ANKS6: variants seen among roughly 807,000 people sequenced by gnomAD.
ANKS6 encodes the protein ankyrin repeat and sterile alpha motif domain containing 6.
In ANKS6, 47 loss-of-function variants were observed where a neutral mutation model predicts 77.9. That is an observed-to-expected ratio of 0.60 (90% CI 0.48 to 0.77). ANKS6 has a LOEUF of 0.77. Ranked by LOEUF, ANKS6 falls within the 30% of genes least tolerant of loss-of-function variation. The pLI is 0.00. For missense variants in ANKS6, 1,150 were observed against 1,159.1 expected (o/e 0.99, Z 0.11); for synonymous variants, 488 against 501.7 (o/e 0.97, Z 0.37).
chr9:98,743,579 C>T (rs958991322), intron 14 of ANKS6, among the ~76,000 whole-genome samples: 7 of 152,136 alleles, frequency 4.6e-5, no homozygotes, highest in Non-Finnish European at 8.8e-5. Flanking sequence ...TTTTCAGCCC[C>T]GATTCTAAGC....
intron 11 of ANKS6, among the ~76,000 whole-genome samples, chr9:98,766,170 A>G (rs1833271400): frequency 6.6e-6 from 1 of 152,224 alleles, no homozygotes; most frequent in Non-Finnish European, 1.5e-5. Context: ...GATCATTGAA[A>G]TGGATGGTTT....
rs748352332 is a variant in ANKS6, at chr9:98,735,509, A to G, written c.*1010T>C. On this transcript the variant is annotated 3_prime_UTR_variant, in exon 15 of 15. Coordinates refer to ENST00000353234, the MANE Select transcript of ANKS6 (RefSeq NM_173551.5). The stretch of plus-strand genomic sequence containing the variant: ...CCAATTCCCTTTTGAGGAACACAGC[A>G]TTAATAGGATGTAGACAAAATTCCA... 5.1e-5 allele frequency: 63 copies of G among 1,228,976 alleles called. 1 individual carries two copies. Among genetic ancestry groups the G allele is most frequent in the Non-Finnish European group, 6.2e-5 (61 of 986,934 alleles). 76.1% of individuals were successfully genotyped at this position (1,228,976 alleles called of 1,614,324 possible).
intron 5 of ANKS6, among the ~76,000 whole-genome samples, chr9:98,780,600 CAGGCTTCACAGCCAG>C: frequency 6.6e-6 from 1 of 152,196 alleles, no homozygotes; most frequent in African/African-American, 2.4e-5. Flanking sequence ...TTTAAAAGTG[CAGGCTTCACAGCCAG>C]GCTGCAGAGG....
chr9:98,786,251 T>C (rs1041474346), intron 2 of ANKS6, among the ~76,000 whole-genome samples: 1 of 151,730 alleles, frequency 6.6e-6, no homozygotes, highest in Admixed American at 6.6e-5. Flanking sequence ...ACTGCTGAGA[T>C]TGCAGGTGTG....
chr9:98,788,503 T>C (rs1370610553), intron 2 of ANKS6, among the ~76,000 whole-genome samples: 1 of 152,152 alleles, frequency 6.6e-6, no homozygotes, highest in African/African-American at 2.4e-5. Flanking sequence ...AGGAGAGCAA[T>C]GGCCTTGTGT....
chr9:98,757,549 C>G lies in ANKS6; in HGVS notation c.2143-946G>C, dbSNP rs572437206. Reference sequence around the variant, plus strand: ...TCGTTATGCAGAGAGGACACAGTATCTGATTACTGGTGATGGTAACCTTCA... The same window carrying G: ...TCGTTATGCAGAGAGGACACAGTATGTGATTACTGGTGATGGTAACCTTCA... On this transcript the variant is annotated intron_variant, in intron 11 of 14. Transcript: ENST00000353234. Among the ~76,000 whole-genome samples, 9 of 152,328 alleles carry G rather than the reference C, an allele frequency of 5.9e-5. No individual in the cohort carries two copies. The East Asian group carries it at 1.5e-3, about 26-fold the overall frequency.
rs1325362731 is a variant in ANKS6 at position 98,789,397 on chromosome 9, C to G, written c.862+707G>C. Among the ~76,000 whole-genome samples the G allele has an allele frequency of 9.2e-5, 13 of 141,124 alleles. No homozygotes were observed. In the East Asian group the frequency reaches 2.5e-3, roughly 27 times the overall value. 92.6% of individuals were successfully genotyped at this position (141,124 alleles called of 152,430 possible). A position where few individuals can be genotyped will look rare whatever the true frequency, so the allele number is the denominator to read the frequency against. On this transcript the variant is annotated intron_variant, in intron 2 of 14. Transcript: ENST00000353234. ...GATTTGCTAAGGATTGTTTAGACAA[C>G]TCTTTACATGCCAGAGAGATGGCAA...
At position 98,733,821 on chromosome 9, in the gene ANKS6, T is replaced by C. The variant is rs1197547428; in HGVS notation, c.*2698A>G. 4.1e-6 allele frequency: 4 copies of C among 985,260 alleles called. No individual in the cohort carries two copies. The highest frequency in any genetic ancestry group is 4.7e-5 in the South Asian group (1 of 21,286). The allele number at this position is 985,260 out of a possible 1,614,324, so 61.0% of individuals were successfully genotyped here. ...CAGGGAACCTCACCCCACTTTCACA[T>C]ACACACCCTACGTTTCTTTATGAAA... On this transcript the variant is annotated 3_prime_UTR_variant, in exon 15 of 15. Coordinates refer to ENST00000353234, the MANE Select transcript of ANKS6 (RefSeq NM_173551.5).
Position 98,733,005 on chromosome 9 carries a change from C to G in ANKS6, c.*3514G>C. ...TCCTCTGGGGCGTGCCCAGGCTGAG[C>G]CTGAGCCATCATCGATGACTTTCCC... On this transcript the variant is annotated 3_prime_UTR_variant, in exon 15 of 15. Transcript: ENST00000353234. The G allele has an allele frequency of 1.1e-6, 1 of 943,470 alleles. No individual in the cohort carries two copies. Among genetic ancestry groups the G allele is most frequent in the Non-Finnish European group, 1.3e-6 (1 of 784,198 alleles). 58.4% of individuals were successfully genotyped at this position (943,470 alleles called of 1,614,324 possible). A position where few individuals can be genotyped will look rare whatever the true frequency, so the allele number is the denominator to read the frequency against.
chr9:98,752,550 G>T (rs1380466097), intron 12 of ANKS6, among the ~76,000 whole-genome samples: 1 of 152,198 alleles, frequency 6.6e-6, no homozygotes, highest in African/African-American at 2.4e-5. Flanking sequence ...GGGAGGATAG[G>T]ATGAGGAGGA....
rs1831304826 is a variant in ANKS6 at position 98,733,306 on chromosome 9, C to T, written c.*3213G>A. 1.0e-6 allele frequency: 1 copy of T among 985,424 alleles called. No homozygotes were observed. 61.0% of individuals were successfully genotyped at this position (985,424 alleles called of 1,614,324 possible). ...AGGAGCCCTCCGTGGCCAGCAGGGA[C>T]TTGGACATCCAGCACTCACGACACA... On this transcript the variant is annotated 3_prime_UTR_variant, in exon 15 of 15. Coordinates refer to ENST00000353234, the MANE Select transcript of ANKS6 (RefSeq NM_173551.5).
intron 4 of ANKS6, among the ~76,000 whole-genome samples, chr9:98,783,126 G>A (rs764504878): frequency 1.8e-4 from 26 of 148,514 alleles, no homozygotes; most frequent in Admixed American, 8.0e-4. Context: ...AAAGGAAGGG[G>A]AGGGGAGGGG....
rs776738343 is a variant in ANKS6 at position 98,780,197 on chromosome 9, C to T, written c.1360G>A (p.Gly454Arg). The change falls in exon 6 of 15, where the codon GGA (glycine) becomes AGA (arginine). Residue 454 changes from glycine (G) to arginine (R), a missense_variant. By Grantham distance (125) the Gly-to-Arg change is moderately radical. Coordinates refer to ENST00000353234, the MANE Select transcript of ANKS6 (RefSeq NM_173551.5). ...GACAGGAAAAGGCAAACCTTCAGTC[C>T]ACCCTTGTCATCGGGCAGCACTGGG... is the stretch of plus-strand genomic sequence containing the variant. ...SIPVLPDDKGGLKSWWNRMSN... is the reference protein window; with the variant it reads ...SIPVLPDDKGRLKSWWNRMSN... 2.9e-5 allele frequency: 46 copies of T among 1,613,710 alleles called. No homozygotes were observed. Among genetic ancestry groups the T allele is most frequent in the Admixed American group, 2.2e-4 (13 of 59,992 alleles).
chr9:98,796,426 C>A lies in ANKS6; in HGVS notation c.66G>T (p.Thr22=). ...LLLRACDQGD[T]ETARRLLEPG... ...GCTCCAGCAGCCGCCGCGCCGTCTCCGTGTCGCCCTGGTCACACGCGCGCA... is the reference window on the plus strand; with the variant it reads ...GCTCCAGCAGCCGCCGCGCCGTCTCAGTGTCGCCCTGGTCACACGCGCGCA... Residue 22 remains threonine (T), a synonymous_variant, in exon 1 of 15, where the codon ACG becomes ACT. Transcript: ENST00000353234. 1.0e-6 allele frequency: 1 copy of A among 994,434 alleles called. No homozygotes were observed. The highest frequency in any genetic ancestry group is 1.2e-6 in the Non-Finnish European group (1 of 837,864). 61.6% of individuals were successfully genotyped at this position (994,434 alleles called of 1,614,324 possible).
chr9:98,770,933 A>G lies in ANKS6; in HGVS notation c.1935T>C (p.Gly645=). The change falls in exon 10 of 15, where the codon GGT becomes GGC. Residue 645 remains glycine, a synonymous_variant. Coordinates refer to ENST00000353234, the MANE Select transcript of ANKS6 (RefSeq NM_173551.5). ...PHSSGGSSGV[G]VSRHGGELLN... Reference sequence around the variant, plus strand: ...GCAGCTCCCCACCGTGCCGGCTCACACCTACCCCACTGGAGCCGCCCGATG... The same window carrying G: ...GCAGCTCCCCACCGTGCCGGCTCACGCCTACCCCACTGGAGCCGCCCGATG... 3 of 1,585,982 alleles carry G rather than the reference A, an allele frequency of 1.9e-6. No homozygotes were observed. The highest frequency in any genetic ancestry group is 2.6e-6 in the Non-Finnish European group (3 of 1,165,570).
chr9:98,734,570 T>C lies in ANKS6; in HGVS notation c.*1949A>G, dbSNP rs535512521. The C allele has an allele frequency of 1.1e-5, 11 of 985,428 alleles. No homozygotes were observed. The African/African-American group carries it at 1.6e-4, about 14-fold the overall frequency. The allele number at this position is 985,428 out of a possible 1,614,324, so 61.0% of individuals were successfully genotyped here. On this transcript the variant is annotated 3_prime_UTR_variant, in exon 15 of 15. Transcript: ENST00000353234. ...ACAAGTGCTTCTAGCTCCAGGAGTC[T>C]ATAGGAGTTAGTGGAAAAGGCACAG...
intron 1 of ANKS6, among the ~76,000 whole-genome samples, chr9:98,792,314 C>T (rs1024428673): frequency 2.6e-5 from 4 of 152,114 alleles, no homozygotes; most frequent in African/African-American, 9.7e-5. Flanking sequence ...CTCTTCTGAG[C>T]ACCTAATTCC....
chr9:98,737,765 C>T (rs1474841319), intron 14 of ANKS6, among the ~76,000 whole-genome samples: 3 of 152,104 alleles, frequency 2.0e-5, no homozygotes, highest in South Asian at 2.1e-4. Flanking sequence ...AAAAAGAGCC[C>T]GCGTAGCCAA....
At position 98,775,887 on chromosome 9, in the gene ANKS6, C is replaced by T. The variant is rs147356027; in HGVS notation, c.1617+1518G>A. On this transcript the variant is annotated intron_variant, in intron 8 of 14. Transcript: ENST00000353234. ...AGCACAAGCCCCCACAGTCAGTGTT[C>T]GAGCCATCAATTTACACCTGTTGGG... Among the ~76,000 whole-genome samples, 428 of 152,274 alleles carry T rather than the reference C, an allele frequency of 2.8e-3. 2 individuals carry two copies. The highest frequency in any genetic ancestry group is 9.6e-3 in the African/African-American group (399 of 41,548).
Sources: gnomAD v4.1 joint callset for allele counts (sites outside exome capture counted in the v4.1 genomes callset) on GRCh38, gnomAD v4.1.1 for gene constraint, MANE v1.5 for transcripts, NCBI Gene and HGNC (gene_info 2026-07-23, HGNC 2026-07-21) for gene names.